The following GBP7 variants were observed in gnomAD, a reference collection of about 807,000 sequenced individuals.
GBP7 encodes the protein guanylate-binding protein 7.
GBP7 carries 43 observed loss-of-function variants against 61.3 expected under a neutral mutation model. That is an observed-to-expected ratio of 0.70 (90% CI 0.55 to 0.91). The LOEUF (loss-of-function observed/expected upper bound fraction) is 0.91, where lower values mean the gene tolerates loss of function less well. Among genes scored for constraint, GBP7 ranks in the 40% least tolerant of loss-of-function variants. The probability of loss-of-function intolerance (pLI) is 0.00; values close to 1 mark genes in which losing one functional copy is unlikely to be tolerated. For missense variants in GBP7, 717 were observed against 740.5 expected, an observed-to-expected ratio of 0.97 and a Z score of 0.37; for synonymous variants, 267 against 271.0, an observed-to-expected ratio of 0.99 and a Z score of 0.14.
chr1:89,133,120 A>G, intron 10 of GBP7, 138 bp downstream of exon 10: 1 of 676,450 alleles, frequency 1.5e-6, no homozygotes, highest in East Asian at 2.6e-5. Flanking sequence ...AGTAGAATTC[A>G]TATGTATTTG....
chr1:89,138,332 A>T (rs1557452118), intron 9 of GBP7, among the ~76,000 whole-genome samples: 1 of 152,102 alleles, frequency 6.6e-6, no homozygotes, highest in Non-Finnish European at 1.5e-5. Context: ...TGGAACAACA[A>T]CAACAAAAAA....
At chr1:89,144,952 CTTTT>C (rs71084939) in intron 8 of GBP7, among the ~76,000 whole-genome samples, 1 of 99,132 alleles carries the variant, frequency 1.0e-5, no homozygotes, top group Non-Finnish European at 2.0e-5. Flanking sequence ...GACTTTCACT[CTTTT>C]TTTTTTTTTT....
chr1:89,168,974 T>A (rs1428365421), intron 2 of GBP7, among the ~76,000 whole-genome samples: 83 of 68,402 alleles, frequency 1.2e-3, no homozygotes, highest in African/African-American at 5.6e-3. Context: ...CGCCTCAAGT[T>A]AAAAAAAAAA....
At chr1:89,133,746 C>T (rs113935334) in intron 9 of GBP7, among the ~76,000 whole-genome samples, 342 of 152,188 alleles carry the variant, frequency 2.2e-3, no homozygotes, top group African/African-American at 7.9e-3. Flanking sequence ...TAAATTGGTG[C>T]GAAGTGGCCC....
At chr1:89,134,908 T>G (rs565521596) in intron 9 of GBP7, among the ~76,000 whole-genome samples, 3 of 152,262 alleles carry the variant, frequency 2.0e-5, no homozygotes, top group Non-Finnish European at 4.4e-5. Context: ...ATTATCGATA[T>G]TTAGGAGACA....
intron 7 of GBP7, among the ~76,000 whole-genome samples, chr1:89,148,519 A>G (rs1682117509): frequency 6.6e-6 from 1 of 152,264 alleles, no homozygotes; most frequent in African/African-American, 2.4e-5. Context: ...AGTACACTCA[A>G]GAAAGTATTT....
chr1:89,153,750 A>G (rs923720916), intron 3 of GBP7, among the ~76,000 whole-genome samples: 1 of 152,222 alleles, frequency 6.6e-6, no homozygotes, highest in Non-Finnish European at 1.5e-5. Context: ...CAACAATCCA[A>G]AAAATGGGAA....
At chr1:89,147,469 G>T in intron 8 of GBP7, 98 bp downstream of exon 8, 2 of 878,414 alleles carry the variant, frequency 2.3e-6, no homozygotes, top group South Asian at 1.6e-5. Flanking sequence ...TTCAATTTTT[G>T]TCGATAAATG....
chr1:89,169,283 T>G (rs1647533644), intron 2 of GBP7, among the ~76,000 whole-genome samples: 1 of 152,200 alleles, frequency 6.6e-6, no homozygotes, highest in African/African-American at 2.4e-5. Context: ...ATGTAATAAT[T>G]TTCCCAAGAT....
rs747826854 is a variant in GBP7, at chr1:89,149,568, CA to C, written c.875del (p.Leu292ArgfsTer51). 3 of 1,608,606 alleles carry C rather than the reference CA, an allele frequency of 1.9e-6. No homozygotes were observed. The South Asian group carries it at 3.3e-5, about 18-fold the overall frequency. On this transcript the variant is annotated frameshift_variant, in exon 7 of 11. Transcript: ENST00000294671. LOFTEE classifies it high-confidence loss of function. ...REGILVTGNR[L>X]GMLVETYLDA... is the part of the protein sequence containing the mutation. ...CCAGGTAGGTCTCCACCAGCATCCC[CA>C]GCCCTGAATGATTTAGGAAATTTAG...
chr1:89,154,985 C>T (rs1004456071), intron 3 of GBP7, among the ~76,000 whole-genome samples: 4 of 152,092 alleles, frequency 2.6e-5, no homozygotes, highest in African/African-American at 9.7e-5. Context: ...CAGCCGGGTG[C>T]CCCTCTGGGA....
intron 9 of GBP7, among the ~76,000 whole-genome samples, chr1:89,141,205 GA>G (rs530178959): frequency 7.7e-6 from 1 of 130,606 alleles, no homozygotes; most frequent in Non-Finnish European, 1.7e-5. Context: ...ATAAAAGTTG[GA>G]AAGAAAAAAA....
intron 7 of GBP7, among the ~76,000 whole-genome samples, chr1:89,148,455 A>G (rs576321837): frequency 1.3e-5 from 2 of 152,350 alleles, no homozygotes; most frequent in South Asian, 4.1e-4. Flanking sequence ...GTGTTTAGGT[A>G]ACATTATATG....
chr1:89,140,206 C>T (rs1370106626), intron 9 of GBP7, among the ~76,000 whole-genome samples: 2 of 146,822 alleles, frequency 1.4e-5, no homozygotes, highest in African/African-American at 2.5e-5. Context: ...AACCAAACAC[C>T]ACATGTTCTC....
intron 8 of GBP7, among the ~76,000 whole-genome samples, chr1:89,147,342 G>C (rs975138791): frequency 6.6e-6 from 1 of 152,134 alleles, no homozygotes; most frequent in South Asian, 2.1e-4. Context: ...GAAATGGTTT[G>C]TTTCATCCGG....
At position 89,150,329 on chromosome 1, in the gene GBP7, C is replaced by T. The variant is rs747760271; in HGVS notation, c.871+1G>A. On this transcript the variant is annotated splice_donor_variant, in intron 6 of 10. Transcript: ENST00000294671. LOFTEE classifies it high-confidence loss of function. Reference sequence around the variant, plus strand: ...ACACCCATATAGGGAAATAGACTCACGGTTTCCAGTGACAAGGATTCCCTC... The same window carrying T: ...ACACCCATATAGGGAAATAGACTCATGGTTTCCAGTGACAAGGATTCCCTC... The T allele has an allele frequency of 8.1e-6, 13 of 1,612,166 alleles. No individual in the cohort carries two copies. Among genetic ancestry groups the T allele is most frequent in the African/African-American group, 6.7e-5 (5 of 74,870 alleles).
At chr1:89,161,808 T>C (rs1056000683) in intron 3 of GBP7, among the ~76,000 whole-genome samples, 17 of 152,174 alleles carry the variant, frequency 1.1e-4, no homozygotes, top group Admixed American at 9.2e-4. Context: ...TTTGTTACTA[T>C]AGCTTTTTTG....
chr1:89,143,000 T>C (rs569932587), intron 8 of GBP7, among the ~76,000 whole-genome samples: 21 of 152,360 alleles, frequency 1.4e-4, no homozygotes, highest in African/African-American at 4.8e-4. Flanking sequence ...TGAATGATAC[T>C]GTTGTGACCA....
In GBP7 at chr1:89,132,490, G is replaced by A. The variant is rs1034335517; in HGVS notation, c.1663-87C>T. 5 of 961,896 alleles carry A rather than the reference G, an allele frequency of 5.2e-6. No individual in the cohort carries two copies. In the African/African-American group the frequency reaches 8.2e-5, roughly 16 times the overall value. 59.6% of individuals were successfully genotyped at this position (961,896 alleles called of 1,614,324 possible). A position where few individuals can be genotyped will look rare whatever the true frequency, so the allele number is the denominator to read the frequency against. Reference sequence around the variant, plus strand: ...TTTAACAATTTCATTAGTTAAACATGTGTCCATTTCTCTAACATCTTAGAA... The same window carrying A: ...TTTAACAATTTCATTAGTTAAACATATGTCCATTTCTCTAACATCTTAGAA... On this transcript the variant is annotated intron_variant, in intron 10 of 10. Coordinates refer to ENST00000294671, the MANE Select transcript of GBP7 (RefSeq NM_207398.3).
Sources: gnomAD v4.1 joint callset for allele counts (sites outside exome capture counted in the v4.1 genomes callset) on GRCh38, gnomAD v4.1.1 for gene constraint, MANE v1.5 for transcripts, NCBI Gene and HGNC (gene_info 2026-07-23, HGNC 2026-07-21) for gene names.